The following SLC35A1 variants were observed in gnomAD, a reference collection of about 807,000 sequenced individuals.
SLC35A1 encodes CMP-sialic acid transporter.
SLC35A1 carries 21 observed loss-of-function variants against 40.3 expected under a neutral mutation model. The observed-to-expected ratio is 0.52, with a 90% CI of 0.37 to 0.75. SLC35A1 has a LOEUF of 0.75. SLC35A1 is among the 30% of genes least tolerant of loss of function. The pLI is 0.00. For missense variants in SLC35A1, 297 were observed against 382.1 expected, an observed-to-expected ratio of 0.78 and a Z score of 1.86; for synonymous variants, 146 against 147.3, an observed-to-expected ratio of 0.99 and a Z score of 0.06.
intron 1 of SLC35A1, among the ~76,000 whole-genome samples, chr6:87,475,005 TTTAG>T (rs1449093085): frequency 6.6e-6 from 1 of 152,244 alleles, no homozygotes; most frequent in Admixed American, 6.5e-5. Context: ...TAAAGTACTT[TTTAG>T]TTTATCAGCC....
chr6:87,489,535 CTTTT>C (rs36003216), intron 2 of SLC35A1, among the ~76,000 whole-genome samples: 1 of 99,030 alleles, frequency 1.0e-5, no homozygotes, highest in Non-Finnish European at 1.9e-5. Context: ...CAACTGTGAG[CTTTT>C]TTTTTTTTTT....
intron 4 of SLC35A1, 66 bp downstream of exon 4, chr6:87,501,376 C>A: frequency 1.4e-6 from 2 of 1,477,080 alleles, no homozygotes; most frequent in East Asian, 4.8e-5. Context: ...TTATACTGTT[C>A]AGTTACATTG....
intron 2 of SLC35A1, 54 bp from the exon 3 acceptor site, chr6:87,500,454 A>G (rs1333936746): frequency 5.2e-6 from 8 of 1,547,038 alleles, no homozygotes; most frequent in South Asian, 2.2e-5. Context: ...TTAAAATAAT[A>G]CTCTTTAATT....
chr6:87,483,192 ACT>A (rs1207097306), intron 2 of SLC35A1, among the ~76,000 whole-genome samples: 2 of 145,630 alleles, frequency 1.4e-5, no homozygotes, highest in Non-Finnish European at 3.1e-5. Context: ...TCTCTCTCTG[ACT>A]CTCTGTCTCT....
intron 3 of SLC35A1, 60 bp downstream of exon 3, chr6:87,500,727 T>A: frequency 2.0e-6 from 3 of 1,532,544 alleles, no homozygotes; most frequent in Non-Finnish European, 1.8e-6. Flanking sequence ...AGAGTTTTTA[T>A]TAACTCTTTA....
chr6:87,477,085 G>A (rs1769096741), intron 1 of SLC35A1, among the ~76,000 whole-genome samples: 1 of 151,946 alleles, frequency 6.6e-6, no homozygotes, highest in South Asian at 2.1e-4. Flanking sequence ...ACTAGAATCA[G>A]TACGCTACAT....
chr6:87,495,857 G>A (rs531946759), intron 2 of SLC35A1, among the ~76,000 whole-genome samples: 6 of 151,972 alleles, frequency 3.9e-5, no homozygotes, highest in Admixed American at 6.6e-5. Flanking sequence ...GGGTTTCACC[G>A]TGTAAATCAG....
intron 2 of SLC35A1, among the ~76,000 whole-genome samples, chr6:87,483,450 C>T (rs1349919769): frequency 6.6e-6 from 1 of 151,966 alleles, no homozygotes; most frequent in East Asian, 1.9e-4. Context: ...GGGGATTTCT[C>T]ACCTCACTGA....
At chr6:87,477,653 A>C in intron 2 of SLC35A1, 114 bp downstream of exon 2, 3 of 915,194 alleles carry the variant, frequency 3.3e-6, no homozygotes, top group Non-Finnish European at 5.2e-6. Flanking sequence ...AGTGTTTCTC[A>C]ACTAGGGGTG....
At chr6:87,483,009 A>G (rs747578633) in intron 2 of SLC35A1, among the ~76,000 whole-genome samples, 2 of 152,196 alleles carry the variant, frequency 1.3e-5, no homozygotes, top group Non-Finnish European at 2.9e-5. Context: ...CAGTGATCTC[A>G]GTGCTTTCAG....
intron 2 of SLC35A1, among the ~76,000 whole-genome samples, chr6:87,480,841 G>C (rs1300727972): frequency 6.6e-6 from 1 of 152,094 alleles, no homozygotes; most frequent in Non-Finnish European, 1.5e-5. Flanking sequence ...GATTCTGATG[G>C]TAATGGTGCT....
intron 4 of SLC35A1, among the ~76,000 whole-genome samples, chr6:87,501,871 G>A (rs1769932208): frequency 6.6e-6 from 1 of 152,190 alleles, no homozygotes. Context: ...GTACATAACA[G>A]ATTTTTAAAG....
At chr6:87,501,369 T>C (rs74385442) in intron 4 of SLC35A1, 59 bp downstream of exon 4, 41 of 1,520,842 alleles carry the variant, frequency 2.7e-5, no homozygotes, top group East Asian at 2.6e-4. Context: ...TTAAGTCTTA[T>C]ACTGTTCAGT....
At chr6:87,478,165 G>A (rs558141601) in intron 2 of SLC35A1, among the ~76,000 whole-genome samples, 20 of 152,076 alleles carry the variant, frequency 1.3e-4, no homozygotes, top group Non-Finnish European at 2.5e-4. Context: ...TGGCAGCACC[G>A]GGCTTTGAAT....
At chr6:87,485,196 G>C (rs1440733874) in intron 2 of SLC35A1, among the ~76,000 whole-genome samples, 2 of 152,280 alleles carry the variant, frequency 1.3e-5, no homozygotes, top group East Asian at 3.9e-4. Context: ...AATGTTATGA[G>C]ATGATTTGTT....
In SLC35A1 at chr6:87,511,955, A is replaced by G. The variant is rs142068208; in HGVS notation, c.*429A>G. The G allele has an allele frequency of 3.1e-3, 738 of 235,264 alleles. 2 individuals carry two copies. Among genetic ancestry groups the G allele is most frequent in the Middle Eastern group, 9.8e-3 (6 of 612 alleles). The allele number at this position is 235,264 out of a possible 1,614,324, so 14.6% of individuals were successfully genotyped here. A position where few individuals can be genotyped will look rare whatever the true frequency, so the allele number is the denominator to read the frequency against. ...AAGGATGACCCCTCCTTATTCTCCA[A>G]TTCATGTACAGTATTTTGTCCTAGC... On this transcript the variant is annotated 3_prime_UTR_variant, in exon 8 of 8. Coordinates refer to ENST00000369552, the MANE Select transcript of SLC35A1 (RefSeq NM_006416.5).
At position 87,509,173 on chromosome 6, in the gene SLC35A1, TAA is replaced by T; in HGVS notation, c.885_886del (p.Leu297HisfsTer59). The T allele has an allele frequency of 6.2e-7, 1 of 1,614,102 alleles. No homozygotes were observed. On this transcript the variant is annotated frameshift_variant and splice_region_variant, in exon 7 of 8. Transcript: ENST00000369552. LOFTEE classifies it high-confidence loss of function. ...TCAGTAATGCTGTTTGGATTACAGA[TAA>T]GTATGTCTTAGTTTGTGTTGAGTTT...
intron 4 of SLC35A1, among the ~76,000 whole-genome samples, chr6:87,504,289 CT>C (rs1770014190): frequency 6.7e-6 from 1 of 149,528 alleles, no homozygotes; most frequent in Non-Finnish European, 1.5e-5. Context: ...AAAAAAAAAG[CT>C]TTCTTTAATG....
chr6:87,479,162 A>G (rs1310770952), intron 2 of SLC35A1, among the ~76,000 whole-genome samples: 5 of 152,224 alleles, frequency 3.3e-5, no homozygotes, highest in Admixed American at 2.6e-4. Context: ...TTCTTCGAAG[A>G]GAAATTTAGA....
Sources: gnomAD v4.1 joint callset for allele counts (sites outside exome capture counted in the v4.1 genomes callset) on GRCh38, gnomAD v4.1.1 for gene constraint, MANE v1.5 for transcripts, NCBI Gene and HGNC (gene_info 2026-07-23, HGNC 2026-07-21) for gene names.